MSI2: variants seen among roughly 807,000 people sequenced by gnomAD.
MSI2 encodes musashi RNA binding protein 2, also known as RNA-binding protein Musashi homolog 2.
MSI2 carries 17 observed loss-of-function variants against 45.6 expected under a neutral mutation model. The observed-to-expected ratio is 0.37, with a 90% CI of 0.26 to 0.56. The LOEUF (loss-of-function observed/expected upper bound fraction) is 0.56. Ranked by LOEUF, MSI2 falls within the 20% of genes least tolerant of loss-of-function variation. MSI2 has a pLI of 0.77. For synonymous variants in MSI2, 156 were observed against 158.2 expected, an observed-to-expected ratio of 0.99 and a Z score of 0.11; for missense variants, 293 against 444.2, an observed-to-expected ratio of 0.66 and a Z score of 3.06.
intron 5 of MSI2, among the ~76,000 whole-genome samples, chr17:57,387,437 G>A (rs1443591565): frequency 6.6e-6 from 1 of 152,200 alleles, no homozygotes; most frequent in Admixed American, 6.5e-5. Context: ...TATTGGTGTA[G>A]CAGAGAAATA....
At chr17:57,576,117 C>T (rs1209426492) in intron 7 of MSI2, among the ~76,000 whole-genome samples, 1 of 152,144 alleles carries the variant, frequency 6.6e-6, no homozygotes, top group Non-Finnish European at 1.5e-5. Flanking sequence ...GGAAGGCCAT[C>T]CTTTAAAGCC....
At position 57,547,067 on chromosome 17, in the gene MSI2, T is replaced by C. The variant is rs1246358229; in HGVS notation, c.454+17343T>C. Among the ~76,000 whole-genome samples the C allele has an allele frequency of 1.2e-3, 176 of 152,036 alleles. 4 individuals carry two copies. The highest frequency in any genetic ancestry group is 0.011 in the Admixed American group (174 of 15,262). Reference sequence around the variant, plus strand: ...AGCTGGGAGTGGCCTCCCTGAGGAATAGGCCTTGGACTTGGGAGGCAGAGA... The same window carrying C: ...AGCTGGGAGTGGCCTCCCTGAGGAACAGGCCTTGGACTTGGGAGGCAGAGA... On this transcript the variant is annotated intron_variant, in intron 7 of 13. Transcript: ENST00000284073.
chr17:57,569,531 C>G (rs1226898637), intron 7 of MSI2, among the ~76,000 whole-genome samples: 2 of 152,226 alleles, frequency 1.3e-5, no homozygotes, highest in African/African-American at 4.8e-5. Flanking sequence ...GGCTCCAAAA[C>G]AGGGCACCTT....
intron 5 of MSI2, among the ~76,000 whole-genome samples, chr17:57,346,937 G>A (rs191268652): frequency 1.3e-4 from 20 of 152,276 alleles, no homozygotes; most frequent in Admixed American, 1.2e-3. Flanking sequence ...AACCTAAACA[G>A]AATAGGTAAT....
At chr17:57,674,300 G>T (rs1913059286) in intron 11 of MSI2, among the ~76,000 whole-genome samples, 2 of 150,630 alleles carry the variant, frequency 1.3e-5, no homozygotes, top group African/African-American at 4.9e-5. Flanking sequence ...GTGGGATGGA[G>T]AATGGAGATC....
At position 57,488,957 on chromosome 17, in the gene MSI2, G is replaced by A. The variant is rs1057298769; in HGVS notation, c.406-40719G>A. Among the ~76,000 whole-genome samples the A allele has an allele frequency of 5.3e-5, 8 of 152,168 alleles. 1 individual carries two copies. The East Asian group carries it at 5.8e-4, about 11-fold the overall frequency. Reference sequence around the variant, plus strand: ...AGTGCCCTTCCCATGAGTGTCTCTCGGTTGGAGAGGGAACACACTGCCAGG... The same window carrying A: ...AGTGCCCTTCCCATGAGTGTCTCTCAGTTGGAGAGGGAACACACTGCCAGG... On this transcript the variant is annotated intron_variant, in intron 6 of 13. Transcript: ENST00000284073.
intron 7 of MSI2, among the ~76,000 whole-genome samples, chr17:57,530,544 T>G (rs2086800343): frequency 6.6e-6 from 1 of 152,176 alleles, no homozygotes; most frequent in African/African-American, 2.4e-5. Flanking sequence ...CTCCGGAAGC[T>G]CAGGTTTCTG....
intron 5 of MSI2, among the ~76,000 whole-genome samples, chr17:57,331,194 G>A (rs1343636162): frequency 1.3e-5 from 2 of 152,184 alleles, no homozygotes; most frequent in African/African-American, 4.8e-5. Flanking sequence ...GATTACAGGC[G>A]TGAGCCACTG....
At chr17:57,297,820 T>C (rs905294652) in intron 5 of MSI2, among the ~76,000 whole-genome samples, 4 of 152,198 alleles carry the variant, frequency 2.6e-5, no homozygotes, top group Non-Finnish European at 5.9e-5. Context: ...GTAGATTCCG[T>C]CTGAAGAAAT....
At chr17:57,425,909 G>C (rs1427992134) in intron 6 of MSI2, among the ~76,000 whole-genome samples, 1 of 152,180 alleles carries the variant, frequency 6.6e-6, no homozygotes, top group African/African-American at 2.4e-5. Flanking sequence ...TTGGTCTTAG[G>C]ATTTTTGTGC....
intron 5 of MSI2, among the ~76,000 whole-genome samples, chr17:57,376,452 C>T (rs1012483004): frequency 7.2e-5 from 11 of 152,284 alleles, no homozygotes; most frequent in Non-Finnish European, 1.0e-4. Flanking sequence ...AATCCCTTCT[C>T]GCCTAGGTAG....
At chr17:57,492,173 G>T (rs771903164) in intron 6 of MSI2, among the ~76,000 whole-genome samples, 14 of 152,196 alleles carry the variant, frequency 9.2e-5, no homozygotes, top group Non-Finnish European at 1.8e-4. Flanking sequence ...CTAGTAAAGC[G>T]AGGCATCGTT....
At chr17:57,677,300 T>C (rs147035113) in intron 13 of MSI2, among the ~76,000 whole-genome samples, 43 of 152,350 alleles carry the variant, frequency 2.8e-4, no homozygotes, top group African/African-American at 1.0e-3. Flanking sequence ...TTTTCTTGAT[T>C]TGGTTCTTTG....
rs997909801 is a variant in MSI2 at position 57,260,790 on chromosome 17, G to A, written c.271-1361G>A. On this transcript the variant is annotated intron_variant, in intron 4 of 13. Coordinates refer to ENST00000284073, the MANE Select transcript of MSI2 (RefSeq NM_138962.4). ...AGGTCTTTAAGCCCCCGTAATAACA[G>A]CAGGAAATCCTCATATGTCTTTCTG... 3.3e-5 allele frequency among the ~76,000 whole-genome samples: 5 copies of A among 152,136 alleles called. No homozygotes were observed. In the East Asian group the frequency reaches 5.8e-4, roughly 18 times the overall value.
intron 6 of MSI2, among the ~76,000 whole-genome samples, chr17:57,431,403 G>A (rs908911701): frequency 3.3e-5 from 5 of 152,238 alleles, no homozygotes; most frequent in African/African-American, 9.6e-5. Context: ...GGTGAAATGA[G>A]CTGTTTGTGT....
chr17:57,453,820 GTCA>G (rs748108790), intron 6 of MSI2, among the ~76,000 whole-genome samples: 28 of 152,312 alleles, frequency 1.8e-4, no homozygotes, highest in Non-Finnish European at 3.4e-4. Context: ...GATAGGTACT[GTCA>G]TCATTCCCAC....
chr17:57,356,945 C>T (rs895262513), intron 5 of MSI2, among the ~76,000 whole-genome samples: 3 of 152,120 alleles, frequency 2.0e-5, no homozygotes, highest in African/African-American at 7.2e-5. Context: ...TTTGCTTATT[C>T]GTGTGCAAAT....
intron 5 of MSI2, among the ~76,000 whole-genome samples, chr17:57,281,736 C>T (rs17761226): frequency 0.022 from 3,390 of 152,260 alleles, 58 homozygotes; most frequent in South Asian, 0.054. Flanking sequence ...AAGGTGAGCC[C>T]GTTCTGCCTC....
chr17:57,575,504 A>T (rs2088012887), intron 7 of MSI2, among the ~76,000 whole-genome samples: 1 of 152,166 alleles, frequency 6.6e-6, no homozygotes, highest in South Asian at 2.1e-4. Flanking sequence ...GCTTTTCCAG[A>T]CAAGGCAGAT....
Sources: allele counts gnomAD v4.1 joint callset (sites outside exome capture counted in the v4.1 genomes callset), GRCh38; gene constraint gnomAD v4.1.1; transcripts MANE v1.5; gene names NCBI Gene and HGNC (gene_info 2026-07-23, HGNC 2026-07-21).